FGF14: variants seen among roughly 807,000 people sequenced by gnomAD.
FGF14 encodes fibroblast growth factor 14.
In FGF14, 5 loss-of-function variants were observed where a neutral mutation model predicts 25.5. The observed-to-expected ratio is 0.20, with a 90% CI of 0.10 to 0.41. FGF14 has a LOEUF of 0.41. FGF14 is among the 10% of genes least tolerant of loss of function. FGF14 has a pLI of 1.00. For synonymous variants in FGF14, 138 were observed against 118.3 expected (o/e 1.17, Z -1.08); for missense variants, 222 against 320.1 (o/e 0.69, Z 2.34).
At chr13:101,781,209 C>T (rs2039472956) in intron 3 of FGF14, among the ~76,000 whole-genome samples, 1 of 152,158 alleles carries the variant, frequency 6.6e-6, no homozygotes, top group South Asian at 2.1e-4. Context: ...GAAATAGAGC[C>T]TTCCCAAACT....
At chr13:102,301,974 G>A (rs1244280333) in intron 1 of FGF14, among the ~76,000 whole-genome samples, 1 of 151,944 alleles carries the variant, frequency 6.6e-6, no homozygotes, top group Admixed American at 6.6e-5. Flanking sequence ...CTGCCTCTGT[G>A]TCCAGACACT....
chr13:101,809,763 G>T (rs939985115), intron 3 of FGF14, among the ~76,000 whole-genome samples: 7 of 151,622 alleles, frequency 4.6e-5, no homozygotes, highest in African/African-American at 1.7e-4. Flanking sequence ...TGTCTAAATG[G>T]GTTATGGGGT....
At chr13:101,951,941 A>G (rs1055048318) in intron 1 of FGF14, among the ~76,000 whole-genome samples, 1 of 152,160 alleles carries the variant, frequency 6.6e-6, no homozygotes, top group African/African-American at 2.4e-5. Context: ...TATGGCCAAT[A>G]TATCAACTCT....
intron 1 of FGF14, among the ~76,000 whole-genome samples, chr13:102,040,725 C>T (rs981954506): frequency 2.6e-5 from 4 of 152,130 alleles, no homozygotes; most frequent in Non-Finnish European, 5.9e-5. Flanking sequence ...AAGTGAAAAG[C>T]TATGACATGC....
At chr13:101,960,133 TA>T in intron 1 of FGF14, among the ~76,000 whole-genome samples, 1 of 152,362 alleles carries the variant, frequency 6.6e-6, no homozygotes, top group African/African-American at 2.4e-5. Context: ...ATTCAGCAAT[TA>T]CTAAAAGTGG....
At chr13:101,753,743 C>T (rs1184929728) in intron 3 of FGF14, among the ~76,000 whole-genome samples, 13 of 149,756 alleles carry the variant, frequency 8.7e-5, no homozygotes, top group Admixed American at 8.7e-4. Flanking sequence ...ACGCAGGTTG[C>T]AGTGAGCTGA....
chr13:101,937,434 G>C (rs1461048163), intron 1 of FGF14, among the ~76,000 whole-genome samples: 1 of 152,176 alleles, frequency 6.6e-6, no homozygotes, highest in African/African-American at 2.4e-5. Flanking sequence ...AGAGATCCCA[G>C]GGTTGTGCAC....
chr13:101,906,808 A>G (rs117469705), intron 1 of FGF14, among the ~76,000 whole-genome samples: 7,091 of 152,296 alleles, frequency 0.047, 303 homozygotes, highest in Admixed American at 0.14. Flanking sequence ...TAGAAACATT[A>G]CCTTAATCAT....
intron 1 of FGF14, among the ~76,000 whole-genome samples, chr13:102,062,912 T>C (rs2042750012): frequency 6.6e-6 from 1 of 152,224 alleles, no homozygotes; most frequent in African/African-American, 2.4e-5. Flanking sequence ...ACCAACAGCA[T>C]TTCCTAAATT....
chr13:102,327,436 C>T (rs1407963513), intron 1 of FGF14, among the ~76,000 whole-genome samples: 1 of 152,170 alleles, frequency 6.6e-6, no homozygotes, highest in Non-Finnish European at 1.5e-5. Context: ...TAACAGATGC[C>T]TCCAACTCCA....
chr13:102,372,484 C>T (rs888779033), intron 1 of FGF14, among the ~76,000 whole-genome samples: 5 of 152,106 alleles, frequency 3.3e-5, no homozygotes, highest in African/African-American at 4.8e-5. Flanking sequence ...TCTTGGTTGA[C>T]GTATGCCACT....
intron 1 of FGF14, among the ~76,000 whole-genome samples, chr13:102,236,757 A>G (rs2051344701): frequency 6.6e-6 from 1 of 152,188 alleles, no homozygotes; most frequent in Admixed American, 6.5e-5. Flanking sequence ...GCAGCCTCTT[A>G]GTAAAGTGGG....
intron 1 of FGF14, among the ~76,000 whole-genome samples, chr13:102,273,705 C>A (rs1031175855): frequency 1.3e-5 from 2 of 151,966 alleles, no homozygotes; most frequent in Non-Finnish European, 2.9e-5. Context: ...TCTTAAAAAT[C>A]TTTAATTTCT....
intron 1 of FGF14, among the ~76,000 whole-genome samples, chr13:102,097,178 AATTTTGACTAT>A (rs2140270522): frequency 6.6e-6 from 1 of 152,290 alleles, no homozygotes; most frequent in South Asian, 2.1e-4. Context: ...ATCACTTCAC[AATTTTGACTAT>A]GTTAAAACTC....
intron 1 of FGF14, among the ~76,000 whole-genome samples, chr13:102,380,500 T>C (rs1025882173): frequency 1.3e-5 from 2 of 152,132 alleles, no homozygotes; most frequent in African/African-American, 4.8e-5. Flanking sequence ...CCTGAGAATG[T>C]CTAGCTACTT....
intron 1 of FGF14, among the ~76,000 whole-genome samples, chr13:102,006,689 A>G (rs1045505830): frequency 9.2e-5 from 14 of 151,468 alleles, no homozygotes; most frequent in African/African-American, 3.4e-4. Context: ...GCCTTGAAAA[A>G]TACCAAGGAC....
intron 1 of FGF14, among the ~76,000 whole-genome samples, chr13:102,243,993 G>A (rs2051732699): frequency 6.6e-6 from 1 of 151,998 alleles, no homozygotes. Flanking sequence ...ATCCCATCCT[G>A]TTCTGCACTG....
At chr13:102,118,582 A>G (rs753585731) in intron 1 of FGF14, among the ~76,000 whole-genome samples, 5 of 152,148 alleles carry the variant, frequency 3.3e-5, no homozygotes, top group Non-Finnish European at 7.4e-5. Flanking sequence ...TCAGACATTA[A>G]CAGTAGGTTT....
At chr13:102,148,920 C>T (rs997344946) in intron 1 of FGF14, among the ~76,000 whole-genome samples, 7 of 152,284 alleles carry the variant, frequency 4.6e-5, no homozygotes, top group Middle Eastern at 6.8e-3. Flanking sequence ...CTGACCAGCG[C>T]GTACCTGGAA....
Sources: gnomAD v4.1 joint callset for allele counts (sites outside exome capture counted in the v4.1 genomes callset) on GRCh38, gnomAD v4.1.1 for gene constraint, MANE v1.5 for transcripts, NCBI Gene and HGNC (gene_info 2026-07-23, HGNC 2026-07-21) for gene names.